TF: variants seen among roughly 807,000 people sequenced by gnomAD.
TF encodes serotransferrin.
Under a neutral mutation model 82.4 loss-of-function variants are expected in TF, and 55 were observed. The ratio of observed to expected loss-of-function variants is 0.67; its 90% confidence interval spans 0.54 to 0.84. The LOEUF is 0.84. Among genes scored for constraint, TF ranks in the 40% least tolerant of loss-of-function variants. TF has a pLI of 0.00. For missense variants in TF, 737 were observed against 868.4 expected, an observed-to-expected ratio of 0.85 and a Z score of 1.90; for synonymous variants, 332 against 332.6, an observed-to-expected ratio of 1.00 and a Z score of 0.02.
intron 11 of TF, among the ~76,000 whole-genome samples, chr3:133,765,868 G>GT (rs41295800): frequency 6.7e-6 from 1 of 149,010 alleles, no homozygotes; most frequent in Non-Finnish European, 1.5e-5. Flanking sequence ...GTTTGGCTCA[G>GT]TTTTTTCTCT....
the TF span, among the ~76,000 whole-genome samples, chr3:133,693,107 C>A: frequency 6.6e-6 from 1 of 152,240 alleles, no homozygotes; most frequent in Non-Finnish European, 1.5e-5. Context: ...CCAGCAACTC[C>A]TGGGAGCTGG....
At chr3:133,758,200 A>C (rs1354402673) in intron 8 of TF, among the ~76,000 whole-genome samples, 1 of 152,232 alleles carries the variant, frequency 6.6e-6, no homozygotes, top group African/African-American at 2.4e-5. Context: ...CCTTTGCATC[A>C]ATCAGGACTG....
intron 14 of TF, chr3:133,774,669 A>G (rs959628911): frequency 3.3e-5 from 6 of 180,422 alleles, no homozygotes; most frequent in Admixed American, 1.7e-4. Context: ...CTTTTAGTTA[A>G]TATAGAGAGA....
the TF span, among the ~76,000 whole-genome samples, chr3:133,734,479 G>C: frequency 6.6e-6 from 1 of 152,140 alleles, no homozygotes; most frequent in Non-Finnish European, 1.5e-5. Context: ...ATGTGCAACA[G>C]TTTGAGCACT....
Position 133,778,569 on chromosome 3 carries a change from T to C in TF, c.2063-17T>C. 6.2e-7 allele frequency: 1 copy of C among 1,612,704 alleles called. No individual in the cohort carries two copies. The highest frequency in any genetic ancestry group is 8.5e-7 in the Non-Finnish European group (1 of 1,179,070). ...AGGAAGATTTTGAAAATCCTACCTC[T>C]CTGCTCTGCTCCACAGCACTCCTGG... On this transcript the variant is annotated splice_polypyrimidine_tract_variant and intron_variant, in intron 16 of 16. Transcript: ENST00000402696.
At chr3:133,694,169 G>A in the TF span, 1 of 152,900 alleles carries the variant, frequency 6.5e-6, no homozygotes, top group Non-Finnish European at 1.5e-5. Flanking sequence ...CGACCTGGAG[G>A]TCCCAGCCAG....
At chr3:133,677,767 C>T in the TF span, among the ~76,000 whole-genome samples, 1 of 151,894 alleles carries the variant, frequency 6.6e-6, no homozygotes, top group Non-Finnish European at 1.5e-5. Context: ...CACTGCAACC[C>T]CAAACACCTA....
chr3:133,719,536 T>G, the TF span, among the ~76,000 whole-genome samples: 1 of 152,198 alleles, frequency 6.6e-6, no homozygotes, highest in Non-Finnish European at 1.5e-5. Flanking sequence ...ATAGTAAAAG[T>G]CAGGTACTGT....
At chr3:133,727,252 G>C in the TF span, among the ~76,000 whole-genome samples, 3 of 151,936 alleles carry the variant, frequency 2.0e-5, no homozygotes, top group Admixed American at 6.6e-5. Flanking sequence ...GTTGATAGTG[G>C]GGTGTTAAAG....
chr3:133,753,430 G>A (rs553666952), intron 2 of TF, among the ~76,000 whole-genome samples, 165 bp from the exon 3 acceptor site: 1 of 150,356 alleles, frequency 6.7e-6, no homozygotes, highest in South Asian at 2.1e-4. Flanking sequence ...AAGTGCCCTT[G>A]CGAGGGAGAC....
the TF span, among the ~76,000 whole-genome samples, chr3:133,670,858 C>G: frequency 6.6e-6 from 1 of 152,150 alleles, no homozygotes; most frequent in South Asian, 2.1e-4. Context: ...CGGCACATGG[C>G]CAGGGGGAAT....
chr3:133,689,520 A>G, the TF span, among the ~76,000 whole-genome samples: 1 of 152,178 alleles, frequency 6.6e-6, no homozygotes, highest in East Asian at 1.9e-4. Context: ...CCTTTTTAAA[A>G]GAATCAATAA....
At chr3:133,776,454 G>T (rs1389260064) in intron 15 of TF, among the ~76,000 whole-genome samples, 1 of 152,150 alleles carries the variant, frequency 6.6e-6, no homozygotes, top group African/African-American at 2.4e-5. Flanking sequence ...AAAAATAAGA[G>T]TATATTTGAA....
At chr3:133,744,459 G>A (rs1429577288), upstream of TF, among the ~76,000 whole-genome samples, 3 of 152,204 alleles carry the variant, frequency 2.0e-5, no homozygotes, top group East Asian at 5.8e-4. Flanking sequence ...CTTCCAGTTA[G>A]CCTTGCCCCT....
At chr3:133,712,893 G>C in the TF span, 1 of 152,662 alleles carries the variant, frequency 6.6e-6, no homozygotes, top group Non-Finnish European at 1.5e-5. Context: ...GCATCTGGCT[G>C]CTGCATTTGG....
At chr3:133,767,930 G>A (rs1934165200) in intron 12 of TF, 99 bp from the exon 13 acceptor site, 12 of 1,459,062 alleles carry the variant, frequency 8.2e-6, no homozygotes, top group Non-Finnish European at 9.6e-6. Context: ...TAATGAATAT[G>A]TTCTACTTAT....
chr3:133,708,558 A>C, the TF span, among the ~76,000 whole-genome samples: 1 of 152,012 alleles, frequency 6.6e-6, no homozygotes, highest in Non-Finnish European at 1.5e-5. Flanking sequence ...GGCTAGCAGC[A>C]GTAGCTCTAA....
intron 14 of TF, chr3:133,774,944 G>T (rs1447745846): frequency 7.8e-6 from 3 of 382,530 alleles, no homozygotes; most frequent in Non-Finnish European, 1.5e-5. Context: ...ACACAGGTGT[G>T]TGCACATTCT....
intron 3 of TF, chr3:133,754,216 C>T: frequency 2.1e-6 from 1 of 476,808 alleles, no homozygotes; most frequent in Non-Finnish European, 3.8e-6. Context: ...TGTAGGCAGA[C>T]ACGCTGCAGG....
Sources: gnomAD v4.1 joint callset for allele counts (sites outside exome capture counted in the v4.1 genomes callset) on GRCh38, gnomAD v4.1.1 for gene constraint, MANE v1.5 for transcripts, NCBI Gene and HGNC (gene_info 2026-07-23, HGNC 2026-07-21) for gene names.